Variants in XPR1 observed in about 807,000 individuals in gnomAD.
XPR1 encodes the protein xenotropic and polytropic retrovirus receptor 1, also known as solute carrier family 53 member 1.
XPR1 carries 28 observed loss-of-function variants against 87.5 expected under a neutral mutation model. The observed-to-expected ratio is 0.32, with a 90% confidence interval of 0.24 to 0.44. The LOEUF is 0.44. Among genes scored for constraint, XPR1 ranks in the 20% least tolerant of loss-of-function variants. The pLI, the probability that XPR1 is intolerant of heterozygous loss-of-function variation, is 1.00. For synonymous variants in XPR1, 300 were observed against 306.1 expected, an observed-to-expected ratio of 0.98 and a Z score of 0.21; for missense variants, 559 against 862.3, an observed-to-expected ratio of 0.65 and a Z score of 4.41.
At chr1:180,841,199 C>G (rs948134026) in intron 11 of XPR1, among the ~76,000 whole-genome samples, 8 of 152,016 alleles carry the variant, frequency 5.3e-5, no homozygotes, top group Non-Finnish European at 8.8e-5. Context: ...AACTCAGTCT[C>G]CTAGGCCTCA....
At chr1:180,640,601 G>A (rs1654932211) in intron 1 of XPR1, among the ~76,000 whole-genome samples, 1 of 152,156 alleles carries the variant, frequency 6.6e-6, no homozygotes, top group African/African-American at 2.4e-5. Flanking sequence ...AAGTAATGGC[G>A]GGTCTATTTT....
intron 2 of XPR1, among the ~76,000 whole-genome samples, chr1:180,756,992 C>A (rs543476195): frequency 6.6e-6 from 1 of 152,160 alleles, no homozygotes; most frequent in Non-Finnish European, 1.5e-5. Context: ...TCTGGACTCT[C>A]AATTCTTTTT....
rs781614699 is a variant in XPR1, at chr1:180,834,887, C to T, written c.1148C>T (p.Thr383Ile). 1 of 1,609,524 alleles carries T rather than the reference C, an allele frequency of 6.2e-7. No individual in the cohort carries two copies. The highest frequency in any genetic ancestry group is 8.5e-7 in the Non-Finnish European group (1 of 1,178,438). Residue 383 changes from threonine to isoleucine, a missense_variant, in exon 10 of 15, where the codon ACA becomes ATA. Transcript: ENST00000367590. ...WLLKLLFRVF[T>I]APFHKVGFAD... The stretch of plus-strand genomic sequence containing the variant: ...TTTTTCTTTCAGTTTCGAGTATTTA[C>T]AGCCCCCTTCCATAAGGTAGGCTTT...
chr1:180,722,774 C>A (rs1658216878), intron 2 of XPR1, among the ~76,000 whole-genome samples: 1 of 151,976 alleles, frequency 6.6e-6, no homozygotes, highest in South Asian at 2.1e-4. Flanking sequence ...AATGATGTTT[C>A]CATTTTGGGG....
intron 2 of XPR1, among the ~76,000 whole-genome samples, chr1:180,716,589 A>G (rs896622054): frequency 1.3e-5 from 2 of 152,106 alleles, no homozygotes; most frequent in Non-Finnish European, 2.9e-5. Context: ...TCTCTGCTAA[A>G]ATCTCTGTTG....
intron 11 of XPR1, among the ~76,000 whole-genome samples, chr1:180,838,242 C>T (rs1232556470): frequency 6.6e-6 from 1 of 152,072 alleles, no homozygotes; most frequent in Non-Finnish European, 1.5e-5. Context: ...AATATCTTTC[C>T]TGTTCATTAA....
intron 11 of XPR1, among the ~76,000 whole-genome samples, chr1:180,844,543 A>G (rs1158823372): frequency 5.9e-5 from 9 of 152,228 alleles, no homozygotes; most frequent in Admixed American, 5.9e-4. Context: ...ATAATATAAT[A>G]CAGTAAGTGT....
intron 2 of XPR1, among the ~76,000 whole-genome samples, chr1:180,693,073 C>G (rs987758712): frequency 6.6e-6 from 1 of 152,050 alleles, no homozygotes; most frequent in Admixed American, 6.6e-5. Context: ...AACATTAAAT[C>G]ATGGAACAAA....
intron 2 of XPR1, among the ~76,000 whole-genome samples, chr1:180,714,703 C>T (rs1314955422): frequency 6.6e-6 from 1 of 152,006 alleles, no homozygotes; most frequent in Non-Finnish European, 1.5e-5. Context: ...CCACACCTGA[C>T]CCTGTTTTCT....
intron 1 of XPR1, among the ~76,000 whole-genome samples, chr1:180,678,362 G>A (rs991766353): frequency 1.3e-5 from 2 of 152,190 alleles, no homozygotes; most frequent in African/African-American, 4.8e-5. Flanking sequence ...CAGCCACCAT[G>A]AAGCATCTAG....
Position 180,718,403 on chromosome 1 carries a change from G to A in XPR1, c.121+35992G>A, listed in dbSNP as rs1042688258. ...CAGTGGGTATGGAGTGGCAAATTTC[G>A]CTTGTTAGAACTTTCACGTAGTTAA... On this transcript the variant is annotated intron_variant, in intron 2 of 14. Transcript: ENST00000367590. 2.0e-5 allele frequency among the ~76,000 whole-genome samples: 3 copies of A among 152,038 alleles called. No individual in the cohort carries two copies. The South Asian group carries it at 6.2e-4, about 32-fold the overall frequency.
intron 9 of XPR1, among the ~76,000 whole-genome samples, chr1:180,833,991 A>C (rs1358764396): frequency 6.6e-6 from 1 of 152,182 alleles, no homozygotes; most frequent in Non-Finnish European, 1.5e-5. Flanking sequence ...TCCACTCTAG[A>C]CAAAAAAAGA....
chr1:180,639,870 G>T (rs1471840165), intron 1 of XPR1, among the ~76,000 whole-genome samples: 2 of 152,204 alleles, frequency 1.3e-5, no homozygotes, highest in Non-Finnish European at 2.9e-5. Flanking sequence ...GGTGAGGAGT[G>T]TCTGGTATCT....
chr1:180,759,110 C>G (rs1007465153), intron 2 of XPR1, among the ~76,000 whole-genome samples: 17 of 152,228 alleles, frequency 1.1e-4, no homozygotes, highest in African/African-American at 4.1e-4. Flanking sequence ...GGGACACATT[C>G]AAAGCAGTGT....
chr1:180,878,799 C>G (rs1652747038), intron 13 of XPR1, among the ~76,000 whole-genome samples: 1 of 152,230 alleles, frequency 6.6e-6, no homozygotes, highest in Non-Finnish European at 1.5e-5. Context: ...AAACTACAGT[C>G]TCCTGTCTCA....
chr1:180,880,718 T>G (rs747604621), intron 14 of XPR1, among the ~76,000 whole-genome samples: 1 of 152,200 alleles, frequency 6.6e-6, no homozygotes, highest in African/African-American at 2.4e-5. Flanking sequence ...GGTTCTTGCT[T>G]ATAGGGAGGT....
chr1:180,688,892 C>T (rs1266331413), intron 2 of XPR1, among the ~76,000 whole-genome samples: 2 of 151,972 alleles, frequency 1.3e-5, no homozygotes, highest in East Asian at 3.9e-4. Context: ...TCCCTCTTTC[C>T]CAGGATACTT....
chr1:180,639,300 AC>A (rs1654888111), intron 1 of XPR1, among the ~76,000 whole-genome samples: 1 of 151,858 alleles, frequency 6.6e-6, no homozygotes, highest in African/African-American at 2.4e-5. Flanking sequence ...AAAAAAAAAC[AC>A]CCTTTAAAAA....
rs559569079 is a variant in XPR1, at chr1:180,681,587, A to G, written c.70-773A>G. 3.3e-5 allele frequency among the ~76,000 whole-genome samples: 5 copies of G among 152,366 alleles called. No homozygotes were observed. In the South Asian group the frequency reaches 8.3e-4, roughly 25 times the overall value. Reference sequence around the variant, plus strand: ...CATAAACCTGGGAGGCAGAGCTTGCAGTGAGCTGAGATCGTGCCACTGCAC... The same window carrying G: ...CATAAACCTGGGAGGCAGAGCTTGCGGTGAGCTGAGATCGTGCCACTGCAC... On this transcript the variant is annotated intron_variant, in intron 1 of 14. Coordinates refer to ENST00000367590, the MANE Select transcript of XPR1 (RefSeq NM_004736.4).
Sources: gnomAD v4.1 joint callset for allele counts (sites outside exome capture counted in the v4.1 genomes callset) on GRCh38, gnomAD v4.1.1 for gene constraint, MANE v1.5 for transcripts, NCBI Gene and HGNC (gene_info 2026-07-23, HGNC 2026-07-21) for gene names.